Variants in NEK7 observed in about 807,000 individuals in gnomAD.
NEK7 encodes serine/threonine-protein kinase Nek7.
In NEK7, 18 loss-of-function variants were observed where a neutral mutation model predicts 44.6. That is an observed-to-expected ratio of 0.40 (90% confidence interval 0.28 to 0.60). The LOEUF (loss-of-function observed/expected upper bound fraction) is 0.60. Among genes scored for constraint, NEK7 ranks in the 20% least tolerant of loss-of-function variants. The probability of loss-of-function intolerance (pLI) is 0.38; values close to 1 mark genes in which losing one functional copy is unlikely to be tolerated. For synonymous variants in NEK7, 130 were observed against 121.1 expected (o/e 1.07, Z -0.48); for missense variants, 256 against 366.5 (o/e 0.70, Z 2.46).
intron 5 of NEK7, among the ~76,000 whole-genome samples, chr1:198,266,347 C>T (rs1231392926): frequency 6.6e-6 from 1 of 151,964 alleles, no homozygotes. Flanking sequence ...ATAGTTAGTA[C>T]CAATTTGTAG....
At chr1:198,209,627 A>G (rs1261249117) in intron 1 of NEK7, among the ~76,000 whole-genome samples, 1 of 152,030 alleles carries the variant, frequency 6.6e-6, no homozygotes, top group Admixed American at 6.5e-5. Flanking sequence ...AAATATCACT[A>G]AAACATTTAA....
intron 2 of NEK7, among the ~76,000 whole-genome samples, chr1:198,246,145 G>A (rs1415873450): frequency 6.6e-6 from 1 of 152,054 alleles, no homozygotes; most frequent in Non-Finnish European, 1.5e-5. Context: ...TACTATAATC[G>A]CTACCGAAGT....
intron 5 of NEK7, chr1:198,277,730 A>T (rs1026910447): frequency 2.8e-6 from 1 of 358,236 alleles, no homozygotes; most frequent in Non-Finnish European, 5.0e-6. Context: ...GGGACATCAC[A>T]AAAAGGTACT....
intron 1 of NEK7, among the ~76,000 whole-genome samples, chr1:198,225,751 T>C (rs1405357064): frequency 6.6e-6 from 1 of 152,180 alleles, no homozygotes; most frequent in African/African-American, 2.4e-5. Context: ...GATGTGTTCT[T>C]TCCTCTTCTC....
rs1412572235 is a variant in NEK7, at chr1:198,282,619, C to A, written c.589+3558C>A. Among the ~76,000 whole-genome samples the A allele has an allele frequency of 7.9e-5, 12 of 152,140 alleles. No homozygotes were observed. In the South Asian group the frequency reaches 2.5e-3, roughly 32 times the overall value. Reference sequence around the variant, plus strand: ...CCCTTAACTCCTAAACAGTCCCTGACCAAATAATATAATGAATGCAAGTGT... The same window carrying A: ...CCCTTAACTCCTAAACAGTCCCTGAACAAATAATATAATGAATGCAAGTGT... On this transcript the variant is annotated intron_variant, in intron 7 of 9. Coordinates refer to ENST00000367385, the MANE Select transcript of NEK7 (RefSeq NM_133494.3).
chr1:198,288,485 G>GT (rs1031806522), intron 7 of NEK7, among the ~76,000 whole-genome samples: 11 of 152,010 alleles, frequency 7.2e-5, no homozygotes, highest in Non-Finnish European at 1.6e-4. Flanking sequence ...ATTTTTTTCA[G>GT]TTGTATTTCA....
chr1:198,232,399 G>C (rs1437916169), intron 1 of NEK7, among the ~76,000 whole-genome samples, 154 bp from the exon 2 acceptor site: 1 of 152,142 alleles, frequency 6.6e-6, no homozygotes, highest in East Asian at 1.9e-4. Context: ...CTAGAGCTTG[G>C]ATTTAGCAAA....
chr1:198,207,682 G>C (rs1463939273), intron 1 of NEK7, among the ~76,000 whole-genome samples: 1 of 152,156 alleles, frequency 6.6e-6, no homozygotes, highest in Non-Finnish European at 1.5e-5. Context: ...GATTGGAGGA[G>C]GGTTTGACAC....
At chr1:198,207,588 A>G (rs1267634863) in intron 1 of NEK7, among the ~76,000 whole-genome samples, 2 of 152,212 alleles carry the variant, frequency 1.3e-5, no homozygotes, top group African/African-American at 2.4e-5. Flanking sequence ...AAGTGAAAGA[A>G]GTCATATTCA....
chr1:198,159,286 G>A (rs1331884523), intron 1 of NEK7, among the ~76,000 whole-genome samples: 1 of 152,216 alleles, frequency 6.6e-6, no homozygotes, highest in African/African-American at 2.4e-5. Flanking sequence ...CTGAGGGCCA[G>A]CCTGGAGAAA....
Position 198,157,159 on chromosome 1 carries a change from CG to C in NEK7, c.-143del, listed in dbSNP as rs921530275. 37 of 151,788 alleles carry C rather than the reference CG, an allele frequency of 2.4e-4. No individual in the cohort carries two copies. Among genetic ancestry groups the C allele is most frequent in the Middle Eastern group, 3.4e-3 (1 of 290 alleles). The allele number at this position is 151,788 out of a possible 1,614,324, so 9.4% of individuals were successfully genotyped here. A position where few individuals can be genotyped will look rare whatever the true frequency, so the allele number is the denominator to read the frequency against. Reference sequence around the variant, plus strand: ...GCGGCGGGAGGTGGCCGACAGGCTCCGGGCCTCGCAGCCTCAGCCCCCGGCC... The same window carrying C: ...GCGGCGGGAGGTGGCCGACAGGCTCCGGCCTCGCAGCCTCAGCCCCCGGCC... On this transcript the variant is annotated 5_prime_UTR_variant, in exon 1 of 10. Coordinates refer to ENST00000367385, the MANE Select transcript of NEK7 (RefSeq NM_133494.3).
intron 7 of NEK7, among the ~76,000 whole-genome samples, chr1:198,280,928 T>C (rs1012858835): frequency 4.0e-5 from 6 of 151,654 alleles, no homozygotes; most frequent in Non-Finnish European, 8.8e-5. Flanking sequence ...TTTTCACAAG[T>C]ATTTTTTGTT....
chr1:198,229,762 A>T (rs2102866302), intron 1 of NEK7, among the ~76,000 whole-genome samples: 1 of 152,330 alleles, frequency 6.6e-6, no homozygotes, highest in African/African-American at 2.4e-5. Context: ...TTTATTCAGA[A>T]TTTTATATCT....
chr1:198,207,403 G>A (rs1665628901), intron 1 of NEK7, among the ~76,000 whole-genome samples: 1 of 152,066 alleles, frequency 6.6e-6, no homozygotes. Flanking sequence ...CTTATGTATG[G>A]ACTGGTACGC....
chr1:198,279,877 G>A (rs761643766), intron 7 of NEK7, among the ~76,000 whole-genome samples: 13 of 151,950 alleles, frequency 8.6e-5, no homozygotes, highest in Admixed American at 5.9e-4. Flanking sequence ...ACCTGTCATC[G>A]AATTTTTCTA....
chr1:198,193,997 G>T (rs775652215), intron 1 of NEK7, among the ~76,000 whole-genome samples: 23 of 152,158 alleles, frequency 1.5e-4, no homozygotes, highest in Admixed American at 2.6e-4. Context: ...GAAATAAAGG[G>T]TATTCAAATA....
At chr1:198,252,853 G>A (rs981443434) in intron 2 of NEK7, among the ~76,000 whole-genome samples, 187 bp from the exon 3 acceptor site, 2 of 151,602 alleles carry the variant, frequency 1.3e-5, no homozygotes, top group Non-Finnish European at 2.9e-5. Context: ...TGTCTCTCTA[G>A]TCTGCTACTG....
intron 3 of NEK7, among the ~76,000 whole-genome samples, chr1:198,258,828 A>G (rs1653360520): frequency 6.6e-6 from 1 of 152,202 alleles, no homozygotes; most frequent in African/African-American, 2.4e-5. Context: ...TTGTTTGTAC[A>G]TATTATATGC....
In NEK7 at chr1:198,273,839, T is replaced by G. The variant is rs945096756; in HGVS notation, c.373-4122T>G. Among the ~76,000 whole-genome samples the G allele has an allele frequency of 1.3e-4, 19 of 151,730 alleles. 1 individual carries two copies. Among genetic ancestry groups the G allele is most frequent in the Admixed American group, 7.9e-4 (12 of 15,188 alleles). On this transcript the variant is annotated intron_variant, in intron 5 of 9. Coordinates refer to ENST00000367385, the MANE Select transcript of NEK7 (RefSeq NM_133494.3). ...AGACATTTATTATTTCTGTTTTATT[T>G]GAAACTAAGACTGTAGACCCACAGA... is the stretch of plus-strand genomic sequence containing the variant.
Sources: gnomAD v4.1 joint callset for allele counts (sites outside exome capture counted in the v4.1 genomes callset) on GRCh38, gnomAD v4.1.1 for gene constraint, MANE v1.5 for transcripts, NCBI Gene and HGNC (gene_info 2026-07-23, HGNC 2026-07-21) for gene names.